The following ARHGAP35 variants were observed in gnomAD, a reference collection of about 807,000 sequenced individuals.
The protein encoded by ARHGAP35 is Rho GTPase activating protein 35.
Under a neutral mutation model 111.1 loss-of-function variants are expected in ARHGAP35, and 15 were observed. The ratio of observed to expected loss-of-function variants is 0.13; its 90% CI spans 0.09 to 0.21. The LOEUF is 0.21. Among genes scored for constraint, ARHGAP35 ranks in the 10% least tolerant of loss-of-function variants. The probability of loss-of-function intolerance (pLI) is 1.00; values close to 1 mark genes in which losing one functional copy is unlikely to be tolerated. For synonymous variants in ARHGAP35, 643 were observed against 710.3 expected (o/e 0.91, Z 1.51); for missense variants, 1,262 against 1,873.0 (o/e 0.67, Z 6.02).
At position 46,999,280 on chromosome 19, in the gene ARHGAP35, G is replaced by T; in HGVS notation, c.4037-24G>T. On this transcript the variant is annotated intron_variant, in intron 5 of 6. Transcript: ENST00000672722. This position sits in a 1 kb window ranked among gnomAD's most constrained non-coding sequence, Gnocchi z 5.4. The stretch of plus-strand genomic sequence containing the variant: ...CACCAGCCTCGGCCATGAAAGGCAA[G>T]GCTTTGGTTTTCTCTCTCCTCAGAA... The T allele has an allele frequency of 6.5e-7, 1 of 1,544,734 alleles. No homozygotes were observed. Among genetic ancestry groups the T allele is most frequent in the Non-Finnish European group, 8.8e-7 (1 of 1,136,754 alleles).
intron 3 of ARHGAP35, among the ~76,000 whole-genome samples, chr19:46,951,560 G>GTTA (rs1304896540): frequency 1.3e-5 from 2 of 152,074 alleles, no homozygotes; most frequent in Admixed American, 6.5e-5. Context: ...CTTCTCCATT[G>GTTA]TTAGTTTCCT....
intron 3 of ARHGAP35, among the ~76,000 whole-genome samples, chr19:46,959,079 A>T (rs2056460609): frequency 6.6e-6 from 1 of 152,150 alleles, no homozygotes; most frequent in Non-Finnish European, 1.5e-5. Context: ...TTTTAAAAAA[A>T]AATTTATTTA....
chr19:46,933,027 C>G (rs936525522), intron 2 of ARHGAP35, among the ~76,000 whole-genome samples: 3 of 151,956 alleles, frequency 2.0e-5, no homozygotes, highest in South Asian at 2.1e-4. Context: ...CAGAGTGCCC[C>G]ATTATTCTCT....
At position 47,004,392 on chromosome 19, in the gene ARHGAP35, C is replaced by T. The variant is rs1209413294; in HGVS notation, c.*3704C>T. The T allele has an allele frequency of 6.6e-6, 1 of 152,294 alleles. No homozygotes were observed. The highest frequency in any genetic ancestry group is 1.5e-5 in the Non-Finnish European group (1 of 68,056). 9.4% of individuals were successfully genotyped at this position (152,294 alleles called of 1,614,324 possible). On this transcript the variant is annotated 3_prime_UTR_variant, in exon 7 of 7. Coordinates refer to ENST00000672722, the MANE Select transcript of ARHGAP35 (RefSeq NM_004491.5). Reference sequence around the variant, plus strand: ...GTCTGTCACCTCGGCCACTGCTGACCTGGGCTGGCCTCCCCCAGCCCTCCC... The same window carrying T: ...GTCTGTCACCTCGGCCACTGCTGACTTGGGCTGGCCTCCCCCAGCCCTCCC...
At chr19:46,955,058 T>A (rs112889715) in intron 3 of ARHGAP35, among the ~76,000 whole-genome samples, 7 of 152,172 alleles carry the variant, frequency 4.6e-5, no homozygotes, top group African/African-American at 1.7e-4. Context: ...TAGGCATAGT[T>A]CTGGCAGGGT....
intron 1 of ARHGAP35, among the ~76,000 whole-genome samples, chr19:46,916,727 A>AT (rs35636080): frequency 0.068 from 10,169 of 149,960 alleles, 455 homozygotes; most frequent in East Asian, 0.18. Context: ...AGATTCATCT[A>AT]TTTTTTTTTT....
At chr19:46,869,071 A>G (rs1329698629) in intron 1 of ARHGAP35, among the ~76,000 whole-genome samples, 2 of 151,336 alleles carry the variant, frequency 1.3e-5, no homozygotes. Flanking sequence ...ACGCCTGGCT[A>G]GTTTTTTTGT....
chr19:46,874,441 G>A (rs137894820), intron 1 of ARHGAP35, among the ~76,000 whole-genome samples: 6 of 150,400 alleles, frequency 4.0e-5, no homozygotes, highest in East Asian at 1.9e-4. Context: ...GACAGATTTC[G>A]TCTTATTATG....
At chr19:46,887,569 A>C (rs1422506202) in intron 1 of ARHGAP35, among the ~76,000 whole-genome samples, 1 of 152,116 alleles carries the variant, frequency 6.6e-6, no homozygotes, top group Non-Finnish European at 1.5e-5. Context: ...CTGTGACTTC[A>C]CCAAGGGAGT....
rs1365983084 is a variant in ARHGAP35 at position 47,004,521 on chromosome 19, C to T, written c.*3833C>T. 1 of 152,660 alleles carries T rather than the reference C, an allele frequency of 6.6e-6. No individual in the cohort carries two copies. Among genetic ancestry groups the T allele is most frequent in the Non-Finnish European group, 1.5e-5 (1 of 68,046 alleles). The allele number at this position is 152,660 out of a possible 1,614,324, so 9.5% of individuals were successfully genotyped here. A position where few individuals can be genotyped will look rare whatever the true frequency, so the allele number is the denominator to read the frequency against. On this transcript the variant is annotated 3_prime_UTR_variant, in exon 7 of 7. Transcript: ENST00000672722. ...GAAAAAAACAAAAAAACGGAAATGT[C>T]AGAATTGTATGGAAATAAAACTTGT... is the stretch of plus-strand genomic sequence containing the variant.
At chr19:46,883,607 G>A (rs56006440) in intron 1 of ARHGAP35, among the ~76,000 whole-genome samples, 99 of 152,268 alleles carry the variant, frequency 6.5e-4, no homozygotes, top group African/African-American at 2.3e-3. Flanking sequence ...AATATTGCAA[G>A]AATTACCAAA....
chr19:46,886,959 GA>G (rs1194863418), intron 1 of ARHGAP35, among the ~76,000 whole-genome samples: 2 of 152,166 alleles, frequency 1.3e-5, no homozygotes, highest in African/African-American at 2.4e-5. Context: ...TAGCAAAACT[GA>G]AAAAGCAGAA....
intron 1 of ARHGAP35, among the ~76,000 whole-genome samples, chr19:46,897,714 G>T (rs529973735): frequency 6.6e-6 from 1 of 150,588 alleles, no homozygotes; most frequent in East Asian, 1.9e-4. Flanking sequence ...AAAAAAAGAG[G>T]CCCTACAGAA....
intron 5 of ARHGAP35, among the ~76,000 whole-genome samples, chr19:46,991,429 G>C (rs531157483): frequency 6.6e-6 from 1 of 152,182 alleles, no homozygotes; most frequent in Non-Finnish European, 1.5e-5. Flanking sequence ...TTGTGGGGCC[G>C]GCAGGAACGG....
intron 1 of ARHGAP35, among the ~76,000 whole-genome samples, chr19:46,905,156 C>T (rs1252454229): frequency 8.5e-5 from 13 of 152,200 alleles, no homozygotes; most frequent in Admixed American, 7.9e-4. Context: ...GAAATTAGAA[C>T]ACCAAATGTC....
At chr19:46,876,669 C>G (rs947460469) in intron 1 of ARHGAP35, among the ~76,000 whole-genome samples, 1 of 150,714 alleles carries the variant, frequency 6.6e-6, no homozygotes, top group Non-Finnish European at 1.5e-5. Flanking sequence ...CCATGCCCAG[C>G]CTAAATGTTT....
chr19:46,873,636 CAAA>C (rs370925647), intron 1 of ARHGAP35, among the ~76,000 whole-genome samples: 2 of 131,820 alleles, frequency 1.5e-5, no homozygotes. Context: ...GACTCTTTCT[CAAA>C]AAAAAAAAAA....
At chr19:46,953,329 G>T (rs112170823) in intron 3 of ARHGAP35, among the ~76,000 whole-genome samples, 2,181 of 152,254 alleles carry the variant, frequency 0.014, 62 homozygotes, top group African/African-American at 0.05. Context: ...GGAGGGCTGG[G>T]GAAGAGTGGC....
At position 46,989,334 on chromosome 19, in the gene ARHGAP35, G is replaced by A. The variant is rs1278786487; in HGVS notation, c.3905-210G>A. ...CGAGAGTGGTAGAAGGGGCAGTTCA[G>A]CAGTCTCGGAAAGAGGTGCTGGGGC... On this transcript the variant is annotated intron_variant, in intron 4 of 6. Coordinates refer to ENST00000672722, the MANE Select transcript of ARHGAP35 (RefSeq NM_004491.5). This position sits in a 1 kb window ranked among gnomAD's most constrained non-coding sequence, Gnocchi z 5.3. 2.2e-5 allele frequency: 12 copies of A among 549,418 alleles called. No individual in the cohort carries two copies. Among genetic ancestry groups the A allele is most frequent in the Non-Finnish European group, 3.2e-6 (1 of 314,238 alleles). The allele number at this position is 549,418 out of a possible 1,614,324, so 34.0% of individuals were successfully genotyped here.
Sources: gnomAD v4.1 joint callset for allele counts (sites outside exome capture counted in the v4.1 genomes callset) on GRCh38, gnomAD v4.1.1 for gene constraint, Gnocchi (gnomAD v3.1) non-coding constraint, MANE v1.5 for transcripts, NCBI Gene and HGNC (gene_info 2026-07-23, HGNC 2026-07-21) for gene names.